The following PDE11A variants were observed in gnomAD, a reference collection of about 807,000 sequenced individuals.
The protein encoded by PDE11A is dual 3',5'-cyclic-AMP and -GMP phosphodiesterase 11A.
Under a neutral mutation model 100.5 loss-of-function variants are expected in PDE11A, and 100 were observed. That is an observed-to-expected ratio of 1.00 (90% confidence interval 0.85 to 1.18). PDE11A has a LOEUF of 1.18. Ranked by LOEUF, PDE11A falls within the 50% of genes most tolerant of loss-of-function variation. The pLI is 0.00. For missense variants in PDE11A, 1,141 were observed against 1,152.6 expected (o/e 0.99, Z 0.15); for synonymous variants, 381 against 420.8 (o/e 0.91, Z 1.16).
chr2:177,917,770 G>C (rs1018850466), intron 2 of PDE11A, among the ~76,000 whole-genome samples: 37 of 152,058 alleles, frequency 2.4e-4, no homozygotes, highest in African/African-American at 8.2e-4. Flanking sequence ...ACCCAGAGGG[G>C]ATTATTCTAC....
intron 15 of PDE11A, among the ~76,000 whole-genome samples, chr2:177,689,248 A>G (rs745500983): frequency 1.3e-5 from 2 of 151,952 alleles, no homozygotes; most frequent in Admixed American, 1.3e-4. Context: ...ACGCCCAGCT[A>G]ATTTTGTATT....
chr2:177,945,971 G>A (rs2085417516), intron 2 of PDE11A, among the ~76,000 whole-genome samples: 1 of 147,908 alleles, frequency 6.8e-6, no homozygotes. Flanking sequence ...GAGCCCCTCA[G>A]CCCGGCCAGC....
chr2:177,637,135 C>T (rs910310196), intron 19 of PDE11A, among the ~76,000 whole-genome samples: 1 of 152,246 alleles, frequency 6.6e-6, no homozygotes, highest in Non-Finnish European at 1.5e-5. Context: ...GCCATTATCT[C>T]ATAAAATCTC....
chr2:177,682,969 A>T (rs1031216030), intron 15 of PDE11A, among the ~76,000 whole-genome samples: 2 of 131,230 alleles, frequency 1.5e-5, no homozygotes, highest in African/African-American at 3.2e-5. Flanking sequence ...ATGACATATA[A>T]TTTATGGTAG....
intron 16 of PDE11A, among the ~76,000 whole-genome samples, chr2:177,678,251 A>G (rs2080809114): frequency 6.6e-6 from 1 of 152,210 alleles, no homozygotes; most frequent in Admixed American, 6.5e-5. Flanking sequence ...GGTTAGAAAC[A>G]CAAACGACAC....
At chr2:177,978,994 G>T (rs1197557532) in intron 2 of PDE11A, among the ~76,000 whole-genome samples, 1 of 133,602 alleles carries the variant, frequency 7.5e-6, no homozygotes, top group Admixed American at 7.4e-5. Context: ...ACATTAGTGG[G>T]TGCAGCGCAC....
intron 1 of PDE11A, among the ~76,000 whole-genome samples, chr2:178,061,090 C>T (rs1246577956): frequency 2.0e-5 from 3 of 151,744 alleles, no homozygotes; most frequent in African/African-American, 4.8e-5. Flanking sequence ...ACTACAGGTG[C>T]GTGCCACCAC....
intron 5 of PDE11A, among the ~76,000 whole-genome samples, chr2:177,875,356 C>CATTTATTT (rs962502106): frequency 2.0e-5 from 3 of 151,886 alleles, no homozygotes; most frequent in Middle Eastern, 3.4e-3. Context: ...GATGTATATG[C>CATTTATTT]ATTTATTTAT....
rs537778484 is a variant in PDE11A at position 177,936,513 on chromosome 2, T to C, written c.1072-31326A>G. On this transcript the variant is annotated intron_variant, in intron 2 of 19. Transcript: ENST00000286063. ...AGATCTTCCCTAATTGAAAAAATGC[T>C]GAGAAGAACAGGTCTCTAAAGATTT... Among the ~76,000 whole-genome samples, 86 of 152,362 alleles carry C rather than the reference T, an allele frequency of 5.6e-4. 1 individual carries two copies. Among genetic ancestry groups the C allele is most frequent in the African/African-American group, 2.0e-3 (84 of 41,584 alleles).
At chr2:178,046,821 T>C (rs1346769154) in intron 1 of PDE11A, among the ~76,000 whole-genome samples, 1 of 152,206 alleles carries the variant, frequency 6.6e-6, no homozygotes, top group Admixed American at 6.5e-5. Context: ...AATTAACTTG[T>C]TCACTGCTCA....
chr2:177,636,409 C>T (rs1293345203), intron 19 of PDE11A, among the ~76,000 whole-genome samples: 4 of 152,268 alleles, frequency 2.6e-5, no homozygotes, highest in East Asian at 1.9e-4. Flanking sequence ...AAATCTCTTA[C>T]AGCATATCAA....
chr2:177,922,488 T>G (rs2085066737), intron 2 of PDE11A, among the ~76,000 whole-genome samples: 1 of 152,054 alleles, frequency 6.6e-6, no homozygotes, highest in Non-Finnish European at 1.5e-5. Flanking sequence ...ATAATAATAA[T>G]AATTAAACAC....
At chr2:177,750,102 TTCTGCACATAC>T (rs1430483035) in intron 10 of PDE11A, among the ~76,000 whole-genome samples, 2 of 152,216 alleles carry the variant, frequency 1.3e-5, no homozygotes, top group East Asian at 3.8e-4. Flanking sequence ...CATCGTTAAT[TTCTGCACATAC>T]TCAAGCTCAA....
Position 177,795,934 on chromosome 2 carries a change from A to AATATAT in PDE11A, c.1737+20894_1737+20895insATATAT, listed in dbSNP as rs1558942848. Among the ~76,000 whole-genome samples the AATATAT allele has an allele frequency of 5.4e-4, 19 of 35,380 alleles. 1 individual carries two copies. The East Asian group carries it at 8.4e-3, about 16-fold the overall frequency. The allele number at this position is 35,380 out of a possible 152,430, so 23.2% of individuals were successfully genotyped here. A position where few individuals can be genotyped will look rare whatever the true frequency, so the allele number is the denominator to read the frequency against. ...TAATTATTACTATTATTTTGTTTAA[A>AATATAT]CTATATATATATATATATATATATA... On this transcript the variant is annotated intron_variant, in intron 9 of 19. Coordinates refer to ENST00000286063, the MANE Select transcript of PDE11A (RefSeq NM_016953.4).
chr2:178,095,343 G>T (rs372904497), intron 2 of PDE11A, among the ~76,000 whole-genome samples: 1 of 152,190 alleles, frequency 6.6e-6, no homozygotes, highest in South Asian at 2.1e-4. Flanking sequence ...AATCCAGCAC[G>T]GCAGTCAAAT....
Position 178,094,134 on chromosome 2 carries a change from A to C in PDE11A, c.162+10168T>G, listed in dbSNP as rs547413767. Among the ~76,000 whole-genome samples, 10 of 152,292 alleles carry C rather than the reference A, an allele frequency of 6.6e-5. No individual in the cohort carries two copies. In the South Asian group the frequency reaches 2.1e-3, roughly 32 times the overall value. On this transcript the variant is annotated intron_variant, in intron 2 of 20. Coordinates refer to the PDE11A transcript ENST00000358450. ...TGGGTAATAATAAAAAATAACCAGC[A>C]CAAGAAAGTACTGAAAATACACACA...
chr2:177,727,563 A>G, intron 12 of PDE11A, 95 bp downstream of exon 12: 1 of 818,026 alleles, frequency 1.2e-6, no homozygotes, highest in Non-Finnish European at 2.2e-6. Flanking sequence ...AAATGATCAC[A>G]TGGTAATTTT....
chr2:177,748,590 C>T (rs2081985677), intron 10 of PDE11A, among the ~76,000 whole-genome samples: 1 of 151,968 alleles, frequency 6.6e-6, no homozygotes, highest in African/African-American at 2.4e-5. Context: ...GCTTCTTGCT[C>T]TTATCTAGTG....
intron 1 of PDE11A, among the ~76,000 whole-genome samples, chr2:178,042,298 A>G (rs1024076971): frequency 2.4e-4 from 37 of 152,082 alleles, no homozygotes; most frequent in African/African-American, 8.9e-4. Flanking sequence ...TTGTCAACAC[A>G]TTGAGACTCC....
Sources: gnomAD v4.1 joint callset for allele counts (sites outside exome capture counted in the v4.1 genomes callset) on GRCh38, gnomAD v4.1.1 for gene constraint, MANE v1.5 for transcripts, NCBI Gene and HGNC (gene_info 2026-07-23, HGNC 2026-07-21) for gene names.